RPS6KA2: variants seen among roughly 807,000 people sequenced by gnomAD.
The protein encoded by RPS6KA2 is ribosomal protein S6 kinase alpha-2.
In RPS6KA2, 42 loss-of-function variants were observed where a neutral mutation model predicts 91.8. That is an observed-to-expected ratio of 0.46 (90% CI 0.36 to 0.59). RPS6KA2 has a LOEUF of 0.59. RPS6KA2 is among the 20% of genes least tolerant of loss of function. The pLI, the probability that RPS6KA2 is intolerant of heterozygous loss-of-function variation, is 0.00. For synonymous variants in RPS6KA2, 414 were observed against 393.6 expected, an observed-to-expected ratio of 1.05 and a Z score of -0.61; for missense variants, 798 against 978.5, an observed-to-expected ratio of 0.82 and a Z score of 2.46.
At position 166,557,367 on chromosome 6, in the gene RPS6KA2, G is replaced by T. The variant is rs945473361; in HGVS notation, c.100-18583C>A. Among the ~76,000 whole-genome samples, 4 of 152,244 alleles carry T rather than the reference G, an allele frequency of 2.6e-5. No individual in the cohort carries two copies. Among genetic ancestry groups the T allele is most frequent in the African/African-American group, 9.6e-5 (4 of 41,466 alleles). On this transcript the variant is annotated intron_variant, in intron 1 of 20. Coordinates refer to ENST00000265678, the MANE Select transcript of RPS6KA2 (RefSeq NM_021135.6). The surrounding 1 kb of genome is among the most constrained non-coding windows in gnomAD (Gnocchi z 4.8). ...GGTCCTGGCCACCACGTCCCCCACAGACTCAATGGTCAGGTGGCCGGGGTC... is the reference window on the plus strand; with the variant it reads ...GGTCCTGGCCACCACGTCCCCCACATACTCAATGGTCAGGTGGCCGGGGTC...
rs145310849 is a variant in RPS6KA2, at chr6:166,414,264, G to A, written c.1939-333C>T. 2.5e-3 allele frequency among the ~76,000 whole-genome samples: 374 copies of A among 152,314 alleles called. 3 individuals carry two copies. Among genetic ancestry groups the A allele is most frequent in the African/African-American group, 8.7e-3 (361 of 41,572 alleles). ...CAATTATATCTTTCCAAAGGGAAAA[G>A]CTGAAATAATTAATATTCCACAGGT... is the stretch of plus-strand genomic sequence containing the variant. On this transcript the variant is annotated intron_variant, in intron 19 of 20. Coordinates refer to ENST00000265678, the MANE Select transcript of RPS6KA2 (RefSeq NM_021135.6).
chr6:166,838,875 C>T (rs1276434004), intron 2 of RPS6KA2, among the ~76,000 whole-genome samples: 2 of 137,710 alleles, frequency 1.5e-5, no homozygotes, highest in Non-Finnish European at 2.9e-5. Context: ...AGTTTAATCT[C>T]ACCAGGGCCC....
At chr6:166,467,057 G>C (rs28368379) in intron 11 of RPS6KA2, among the ~76,000 whole-genome samples, 8 of 120,586 alleles carry the variant, frequency 6.6e-5, no homozygotes, top group South Asian at 2.7e-4. Flanking sequence ...CTCACTCATT[G>C]ACTCACTGAC....
rs1311168742 is a variant in RPS6KA2 at position 166,495,957 on chromosome 6, C to T, written c.747+2551G>A. Among the ~76,000 whole-genome samples, 1 of 152,192 alleles carries T rather than the reference C, an allele frequency of 6.6e-6. No homozygotes were observed. On this transcript the variant is annotated intron_variant, in intron 8 of 20. Transcript: ENST00000265678. This position sits in a 1 kb window ranked among gnomAD's most constrained non-coding sequence, Gnocchi z 4.4. Reference sequence around the variant, plus strand: ...CTCATTTCCTCTTCTTCTGGCCCCTCGTCGTGTCTCCATCTTTGGATCATT... The same window carrying T: ...CTCATTTCCTCTTCTTCTGGCCCCTTGTCGTGTCTCCATCTTTGGATCATT...
intron 1 of RPS6KA2, among the ~76,000 whole-genome samples, chr6:166,541,981 A>C (rs1783672535): frequency 6.6e-6 from 1 of 152,208 alleles, no homozygotes; most frequent in African/African-American, 2.4e-5. Flanking sequence ...AATCCCCAAG[A>C]GCATCACCTT....
intron 2 of RPS6KA2, among the ~76,000 whole-genome samples, chr6:166,685,238 G>C (rs55779419): frequency 0.027 from 2,609 of 96,650 alleles, 191 homozygotes; most frequent in Middle Eastern, 0.065. Context: ...ATGCAGGCTG[G>C]GAGGACAGAG....
intron 3 of RPS6KA2, among the ~76,000 whole-genome samples, chr6:166,510,640 C>G (rs1782447403): frequency 1.6e-5 from 2 of 128,312 alleles, no homozygotes; most frequent in African/African-American, 6.1e-5. Context: ...AAATTGTAGG[C>G]AGCACGACAT....
chr6:166,701,506 G>T, intron 2 of RPS6KA2: 1 of 1,350,118 alleles, frequency 7.4e-7, no homozygotes, highest in Admixed American at 1.7e-5. Context: ...TTCCACTGGA[G>T]CAATCTTACT....
intron 2 of RPS6KA2, among the ~76,000 whole-genome samples, chr6:166,680,112 G>C (rs773437499): frequency 2.6e-5 from 4 of 151,204 alleles, no homozygotes; most frequent in African/African-American, 9.7e-5. Flanking sequence ...GTTTGTAAAC[G>C]TGCCAATCAG....
At chr6:166,460,983 C>T (rs1029672784) in intron 11 of RPS6KA2, 2 of 152,216 alleles carry the variant, frequency 1.3e-5, no homozygotes, top group South Asian at 4.1e-4. Context: ...GGGGCACACC[C>T]TGCTCTGCTT....
intron 1 of RPS6KA2, among the ~76,000 whole-genome samples, chr6:166,611,128 G>A (rs146677283): frequency 2.6e-5 from 4 of 152,072 alleles, no homozygotes; most frequent in African/African-American, 9.6e-5. Flanking sequence ...AAATAGACTG[G>A]TAAAACTGAA....
intron 10 of RPS6KA2, among the ~76,000 whole-genome samples, chr6:166,477,431 T>C (rs1781020372): frequency 1.3e-5 from 2 of 152,190 alleles, no homozygotes; most frequent in Non-Finnish European, 2.9e-5. Flanking sequence ...TAAAACAATA[T>C]TTTAAAGAAC....
chr6:166,703,117 A>AT (rs1448349616), intron 2 of RPS6KA2, among the ~76,000 whole-genome samples: 2 of 152,220 alleles, frequency 1.3e-5, no homozygotes, highest in Non-Finnish European at 2.9e-5. Context: ...TTTCACAGTC[A>AT]TTTTTTAACC....
intron 2 of RPS6KA2, among the ~76,000 whole-genome samples, chr6:166,532,026 TAA>T (rs2128492070): frequency 6.6e-6 from 1 of 152,300 alleles, no homozygotes; most frequent in Non-Finnish European, 1.5e-5. Flanking sequence ...TTGATTTTCC[TAA>T]AAGTGTTTTC....
rs1483923886 is a variant in RPS6KA2 at position 166,452,803 on chromosome 6, AAG to A, written c.1076-1572_1076-1571del. Reference sequence around the variant, plus strand: ...GTCTCACCATATACAAAAATCAACTAAGAGATTAAAGACTTAAGTGATGAAAG... The same window carrying A: ...GTCTCACCATATACAAAAATCAACTAAGATTAAAGACTTAAGTGATGAAAG... On this transcript the variant is annotated intron_variant, in intron 12 of 20. Transcript: ENST00000265678. Among the ~76,000 whole-genome samples, 81 of 152,192 alleles carry A rather than the reference AAG, an allele frequency of 5.3e-4. 1 individual carries two copies. The highest frequency in any genetic ancestry group is 7.3e-5 in the Non-Finnish European group (5 of 68,036).
In RPS6KA2 at chr6:166,434,965, A is replaced by G. The variant is rs1245616106; in HGVS notation, c.1333-2475T>C. 1.3e-5 allele frequency among the ~76,000 whole-genome samples: 2 copies of G among 152,184 alleles called. No individual in the cohort carries two copies. Among genetic ancestry groups the G allele is most frequent in the African/African-American group, 4.8e-5 (2 of 41,454 alleles). On this transcript the variant is annotated intron_variant, in intron 14 of 20. Coordinates refer to ENST00000265678, the MANE Select transcript of RPS6KA2 (RefSeq NM_021135.6). The surrounding 1 kb of genome is among the most constrained non-coding windows in gnomAD (Gnocchi z 4.4). ...GCCTTGCCTTCCTGTGAGGAGGGGA[A>G]CAGGGTGCCTGGGGGCCCATGGGTG...
chr6:166,468,856 T>TCCACCTCAAAAAAA (rs567161437), intron 11 of RPS6KA2, among the ~76,000 whole-genome samples: 2 of 112,184 alleles, frequency 1.8e-5, no homozygotes, highest in African/African-American at 7.7e-5. Context: ...AGAGCGAGAC[T>TCCACCTCAAAAAAA]AAAAAAAAAA....
intron 3 of RPS6KA2, among the ~76,000 whole-genome samples, chr6:166,519,858 T>C (rs6909289): frequency 0.71 from 107,424 of 152,122 alleles, 38,381 homozygotes; most frequent in African/African-American, 0.8. Context: ...CATTATGTAG[T>C]ATATTGTGGT....
chr6:166,669,559 C>T (rs796419382), intron 2 of RPS6KA2, among the ~76,000 whole-genome samples: 67 of 152,260 alleles, frequency 4.4e-4, no homozygotes, highest in African/African-American at 1.5e-3. Context: ...TGGAATTGCA[C>T]GGGGCCCAGC....
Sources: allele counts gnomAD v4.1 joint callset (sites outside exome capture counted in the v4.1 genomes callset), GRCh38; gene constraint gnomAD v4.1.1; non-coding constraint Gnocchi (gnomAD v3.1); transcripts MANE v1.5; gene names NCBI Gene and HGNC (gene_info 2026-07-23, HGNC 2026-07-21).